CAMK2D: variants seen among roughly 807,000 people sequenced by gnomAD.
CAMK2D encodes calcium/calmodulin dependent protein kinase II delta.
A neutral mutation model predicts 84.0 loss-of-function variants in CAMK2D; 37 were observed. The observed-to-expected ratio is 0.44, with a 90% CI of 0.34 to 0.58. CAMK2D has a LOEUF of 0.58. CAMK2D is among the 20% of genes least tolerant of loss of function. The pLI is 0.02. For synonymous variants in CAMK2D, 202 were observed against 212.5 expected (o/e 0.95, Z 0.43); for missense variants, 448 against 652.5 (o/e 0.69, Z 3.41).
intron 2 of CAMK2D, among the ~76,000 whole-genome samples, chr4:113,727,930 C>T (rs2099551118): frequency 6.6e-6 from 1 of 152,068 alleles, no homozygotes; most frequent in Non-Finnish European, 1.5e-5. Context: ...TATCATTTGT[C>T]TTTAGGGAAA....
intron 2 of CAMK2D, among the ~76,000 whole-genome samples, chr4:113,692,932 C>G (rs895360578): frequency 6.6e-6 from 1 of 152,074 alleles, no homozygotes; most frequent in Non-Finnish European, 1.5e-5. Context: ...ATTTGCAGAA[C>G]TGCTTATAAT....
intron 16 of CAMK2D, among the ~76,000 whole-genome samples, chr4:113,493,927 G>A (rs1022735324): frequency 1.4e-4 from 21 of 152,056 alleles, no homozygotes; most frequent in Non-Finnish European, 2.2e-4. Context: ...TCTTCCAGTT[G>A]ATCGCATCGG....
At chr4:113,609,421 TA>T (rs765015722) in intron 3 of CAMK2D, among the ~76,000 whole-genome samples, 1 of 151,462 alleles carries the variant, frequency 6.6e-6, no homozygotes, top group African/African-American at 2.4e-5. Context: ...TATGTGATCT[TA>T]AAAAAAAACT....
At chr4:113,744,762 T>C (rs1031745464) in intron 2 of CAMK2D, among the ~76,000 whole-genome samples, 2 of 152,236 alleles carry the variant, frequency 1.3e-5, no homozygotes, top group African/African-American at 2.4e-5. Context: ...GAGCCACTTC[T>C]TGAATCTTGG....
intron 5 of CAMK2D, among the ~76,000 whole-genome samples, chr4:113,548,364 T>C (rs1344490840): frequency 6.6e-6 from 1 of 152,150 alleles, no homozygotes; most frequent in Non-Finnish European, 1.5e-5. Flanking sequence ...TCCAGGCAAA[T>C]GCTGGGCAAT....
chr4:113,736,544 C>T (rs1377076009), intron 2 of CAMK2D, among the ~76,000 whole-genome samples: 1 of 152,094 alleles, frequency 6.6e-6, no homozygotes, highest in Non-Finnish European at 1.5e-5. Flanking sequence ...GGCACGTATT[C>T]CACATTAATA....
chr4:113,460,228 G>C lies in CAMK2D; in HGVS notation c.1225C>G (p.Pro409Ala). The C allele has an allele frequency of 6.3e-7, 1 of 1,589,542 alleles. No individual in the cohort carries two copies. Among genetic ancestry groups the C allele is most frequent in the South Asian group, 1.1e-5 (1 of 88,390 alleles). ...TCAGGTTCAAAAGCAGTAAGGCCTG[G>C]GTCACAGATTTTTCTGTAAAAGAAA... ...DFEAYTKICD[P>A]GLTAFEPEAL... Residue 409 changes from proline to alanine, a missense_variant, in exon 18 of 21, where the codon CCA (proline) becomes GCA (alanine). Pro to Ala is a conservative substitution (Grantham distance 27). Transcript: ENST00000511664.
intron 16 of CAMK2D, among the ~76,000 whole-genome samples, chr4:113,472,356 G>A (rs1412120081): frequency 6.6e-6 from 1 of 152,216 alleles, no homozygotes; most frequent in Non-Finnish European, 1.5e-5. Context: ...TGGCGGTGCT[G>A]AGAAGGCACC....
chr4:113,741,833 T>C (rs928445732), intron 2 of CAMK2D, among the ~76,000 whole-genome samples: 2 of 152,192 alleles, frequency 1.3e-5, no homozygotes, highest in Non-Finnish European at 2.9e-5. Context: ...TCCAGCCACA[T>C]TGACTTTCTT....
chr4:113,673,026 A>G (rs1240221391), intron 2 of CAMK2D, among the ~76,000 whole-genome samples: 2 of 152,198 alleles, frequency 1.3e-5, no homozygotes, highest in African/African-American at 4.8e-5. Context: ...ATTTGAAGCC[A>G]TTCTGTCATC....
chr4:113,697,040 T>C (rs2099405072), intron 2 of CAMK2D, among the ~76,000 whole-genome samples: 1 of 152,080 alleles, frequency 6.6e-6, no homozygotes, highest in Admixed American at 6.6e-5. Flanking sequence ...GGAGTCTTGA[T>C]TTGGTACAGG....
chr4:113,696,197 C>CAG (rs1554062061), intron 2 of CAMK2D, among the ~76,000 whole-genome samples: 2 of 2,038 alleles, frequency 9.8e-4, no homozygotes, highest in African/African-American at 1.3e-3. Context: ...GACACACAGA[C>CAG]ACACACACAC....
intron 2 of CAMK2D, among the ~76,000 whole-genome samples, chr4:113,741,271 G>T (rs2099592181): frequency 6.6e-6 from 1 of 152,142 alleles, no homozygotes; most frequent in African/African-American, 2.4e-5. Flanking sequence ...AAATGTATAT[G>T]CTAAGATCTA....
At chr4:113,635,684 G>C (rs1381221762) in intron 3 of CAMK2D, among the ~76,000 whole-genome samples, 1 of 152,222 alleles carries the variant, frequency 6.6e-6, no homozygotes, top group African/African-American at 2.4e-5. Flanking sequence ...GTGAATTAGG[G>C]AGTGGACAAA....
chr4:113,623,126 T>TGTTTGAGA (rs1184281334), intron 3 of CAMK2D, among the ~76,000 whole-genome samples: 8 of 152,274 alleles, frequency 5.3e-5, no homozygotes, highest in African/African-American at 1.9e-4. Context: ...TCTCAAAGGT[T>TGTTTGAGA]ATACCCTTGT....
At chr4:113,619,899 T>C (rs1266674420) in intron 3 of CAMK2D, among the ~76,000 whole-genome samples, 1 of 152,054 alleles carries the variant, frequency 6.6e-6, no homozygotes, top group Non-Finnish European at 1.5e-5. Context: ...AAAGAGAGAA[T>C]ATAGGTGCTG....
intron 4 of CAMK2D, among the ~76,000 whole-genome samples, chr4:113,553,086 C>T (rs906695753): frequency 8.5e-5 from 13 of 152,140 alleles, no homozygotes; most frequent in Non-Finnish European, 1.5e-4. Flanking sequence ...TAAGAGCTAA[C>T]ATTTGCTGAG....
At chr4:113,457,679 A>G (rs2097320680) in intron 18 of CAMK2D, 116 bp from the exon 19 acceptor site, 2 of 728,976 alleles carry the variant, frequency 2.7e-6, no homozygotes, top group Non-Finnish European at 4.6e-6. Flanking sequence ...TCACTAATTA[A>G]TTAGTTAATT....
At position 113,572,836 on chromosome 4, in the gene CAMK2D, T is replaced by C. The variant is rs566823661; in HGVS notation, c.276-20740A>G. On this transcript the variant is annotated intron_variant, in intron 4 of 20. Transcript: ENST00000511664. ...GACTGGATAAAGAAAATGTGGTACA[T>C]ATACACCACGAAATATTATGCAGCC... Among the ~76,000 whole-genome samples the C allele has an allele frequency of 7.2e-5, 11 of 152,260 alleles. No homozygotes were observed. In the South Asian group the frequency reaches 1.0e-3, roughly 14 times the overall value.
Sources: allele counts gnomAD v4.1 joint callset (sites outside exome capture counted in the v4.1 genomes callset), GRCh38; gene constraint gnomAD v4.1.1; transcripts MANE v1.5; gene names NCBI Gene and HGNC (gene_info 2026-07-23, HGNC 2026-07-21).